Variants in ARHGEF6 observed in about 807,000 individuals in gnomAD.
The protein encoded by ARHGEF6 is rho guanine nucleotide exchange factor 6.
ARHGEF6 carries 9 observed loss-of-function variants against 70.3 expected under a neutral mutation model. That is an observed-to-expected ratio of 0.13 (90% CI 0.08 to 0.22). ARHGEF6 has a LOEUF of 0.22. Among genes scored for constraint, ARHGEF6 ranks in the 10% least tolerant of loss-of-function variants. The pLI, the probability that ARHGEF6 is intolerant of heterozygous loss-of-function variation, is 1.00. For missense variants in ARHGEF6, 470 were observed against 563.0 expected (o/e 0.83, Z 1.67); for synonymous variants, 201 against 207.8 (o/e 0.97, Z 0.28).
At chrX:136,688,078 A>G in intron 10 of ARHGEF6, 87 bp from the exon 11 acceptor site, 2 of 695,757 alleles carry the variant, frequency 2.9e-6, no homozygotes, top group Non-Finnish European at 4.7e-6. Context: ...GAGTATGGCC[A>G]CAAAGATAGC....
At chrX:136,686,040 T>C (rs2076382496) in intron 11 of ARHGEF6, among the ~76,000 whole-genome samples, 1 of 111,824 alleles carries the variant, frequency 8.9e-6, no homozygotes. Context: ...GGAAGGCCTA[T>C]TTTTCATTTT....
intron 2 of ARHGEF6, chrX:136,773,974 T>A (rs1207851892): frequency 8.9e-6 from 1 of 112,017 alleles, no homozygotes; most frequent in African/African-American, 3.2e-5. Context: ...AATTAAGACA[T>A]ACATTTTAGA....
rs199635385 is a variant in ARHGEF6, at chrX:136,723,928, C to CA, written c.732+8173dup. ...TGGGCGACAGAGGGAGGGTCTGTCT[C>CA]AAAAAATATAAAAATAAAAATAAAA... On this transcript the variant is annotated intron_variant, in intron 6 of 21. Transcript: ENST00000250617. Among the ~76,000 whole-genome samples the CA allele has an allele frequency of 9.7e-3, 1,066 of 110,007 alleles. 16 individuals are homozygous for CA. The highest frequency in any genetic ancestry group is 0.033 in the African/African-American group (1,006 of 30,199).
chrX:136,668,527 C>CTTATTA lies in ARHGEF6; in HGVS notation c.2191-359_2191-358insTAATAA, dbSNP rs1261612900. ...CAGCCTGGTATTTCTTCTTCTTCTT[C>CTTATTA]TTCTTCTTATTATTATTATTATTAT... On this transcript the variant is annotated intron_variant, in intron 21 of 21. Coordinates refer to ENST00000250617, the MANE Select transcript of ARHGEF6 (RefSeq NM_004840.3). Among the ~76,000 whole-genome samples the CTTATTA allele has an allele frequency of 1.1e-4, 11 of 100,559 alleles. No individual in the cohort carries two copies. In the East Asian group the frequency reaches 1.8e-3, roughly 17 times the overall value. The allele number at this position is 100,559 out of a possible 115,157, so 87.3% of individuals were successfully genotyped here.
At chrX:136,767,005 A>G (rs1423401031) in intron 2 of ARHGEF6, 1 of 566,710 alleles carries the variant, frequency 1.8e-6, no homozygotes, top group African/African-American at 2.5e-5. Flanking sequence ...CTGGCAGAGA[A>G]CGGACCCCGC....
rs773392792 is a variant in ARHGEF6 at position 136,679,257 on chromosome X, T to C, written c.1830+278A>G. On this transcript the variant is annotated intron_variant, in intron 16 of 21. Transcript: ENST00000250617. ...CATTATTAACAAATCTAAAGGATTA[T>C]CATAATAATCATTAAGGTAAACCAG... Among the ~76,000 whole-genome samples the C allele has an allele frequency of 3.6e-5, 4 of 112,167 alleles. No individual in the cohort carries two copies. In the East Asian group the frequency reaches 1.1e-3, roughly 31 times the overall value.
At chrX:136,728,476 G>A (rs1266422003) in intron 6 of ARHGEF6, among the ~76,000 whole-genome samples, 2 of 109,068 alleles carry the variant, frequency 1.8e-5, no homozygotes, top group African/African-American at 6.7e-5. Context: ...CTTGAAAAAG[G>A]GGAGAATATG....
intron 18 of ARHGEF6, among the ~76,000 whole-genome samples, chrX:136,675,601 C>T (rs978907143): frequency 2.0e-4 from 22 of 110,175 alleles, no homozygotes; most frequent in African/African-American, 9.9e-5. Context: ...CTGCAAGCTC[C>T]GCCTCCCGGG....
intron 6 of ARHGEF6, among the ~76,000 whole-genome samples, chrX:136,728,053 T>C (rs1351918589): frequency 8.9e-6 from 1 of 112,485 alleles, no homozygotes; most frequent in South Asian, 3.6e-4. Context: ...AATTCCTTTT[T>C]CTGACTTTTA....
intron 8 of ARHGEF6, 47 bp downstream of exon 8, chrX:136,708,627 CA>C: frequency 9.2e-7 from 1 of 1,082,425 alleles, no homozygotes; most frequent in Non-Finnish European, 1.3e-6. Context: ...AAACAAAACA[CA>C]AACAGCAATG....
intron 5 of ARHGEF6, among the ~76,000 whole-genome samples, chrX:136,740,796 C>T (rs1220163097): frequency 8.9e-6 from 1 of 111,747 alleles, no homozygotes; most frequent in African/African-American, 3.3e-5. Flanking sequence ...AAAATTACTG[C>T]TCCTTTTAGT....
chrX:136,687,850 G>A, intron 11 of ARHGEF6, 82 bp downstream of exon 11: 1 of 832,700 alleles, frequency 1.2e-6, no homozygotes, highest in Non-Finnish European at 1.8e-6. Flanking sequence ...CTTTGTATAG[G>A]GAAAGAAATG....
At chrX:136,680,709 A>T in intron 15 of ARHGEF6, 22 bp downstream of exon 15, 1 of 1,210,137 alleles carries the variant, frequency 8.3e-7, no homozygotes, top group Non-Finnish European at 1.1e-6. Flanking sequence ...TAATCTCTGG[A>T]CAGAACACAT....
At chrX:136,690,810 C>G in intron 9 of ARHGEF6, 62 bp from the exon 10 acceptor site, 1 of 1,121,562 alleles carries the variant, frequency 8.9e-7, no homozygotes, top group Non-Finnish European at 1.2e-6. Flanking sequence ...AATTATCAAC[C>G]TAAAATTATT....
chrX:136,668,073 A>C lies in ARHGEF6; in HGVS notation c.2287T>G (p.Cys763Gly), dbSNP rs1163093258. 2 of 1,209,699 alleles carry C rather than the reference A, an allele frequency of 1.7e-6. No individual in the cohort carries two copies. Among genetic ancestry groups the C allele is most frequent in the Non-Finnish European group, 2.2e-6 (2 of 895,100 alleles). ...VRRLLKQTDECIRGESSSKTS... is the reference protein window; with the variant it reads ...VRRLLKQTDEGIRGESSSKTS... Reference sequence around the variant, plus strand: ...TTGCTACTGGACTCGCCTCGAATACACTCATCTGTTTGCTTCAAAAGCCTC... The same window carrying C: ...TTGCTACTGGACTCGCCTCGAATACCCTCATCTGTTTGCTTCAAAAGCCTC... The change falls in exon 22 of 22, where the codon TGT becomes GGT. Residue 763 changes from cysteine to glycine, a missense_variant. Physicochemically the swap from Cys to Gly is radical, Grantham distance 159. Around this residue, in one of 3 missense-constraint regions of ARHGEF6, gnomAD observed 88 missense variants for 95.5 expected, o/e 0.92. Transcript: ENST00000250617.
At chrX:136,779,307 A>G in intron 2 of ARHGEF6, 107 bp downstream of exon 2, 1 of 734,160 alleles carries the variant, frequency 1.4e-6, no homozygotes, top group Non-Finnish European at 2.2e-6. Context: ...CCTCTGTTTA[A>G]CTCAGTGGCC....
intron 2 of ARHGEF6, among the ~76,000 whole-genome samples, chrX:136,748,315 A>C (rs1200611341): frequency 1.8e-5 from 2 of 111,986 alleles, no homozygotes; most frequent in African/African-American, 6.5e-5. Context: ...GGCCTGTCTA[A>C]TACTACTCAA....
At chrX:136,739,360 T>C (rs2077019860) in intron 5 of ARHGEF6, among the ~76,000 whole-genome samples, 1 of 112,025 alleles carries the variant, frequency 8.9e-6, no homozygotes, top group Non-Finnish European at 1.9e-5. Flanking sequence ...CCTGTAACAG[T>C]TAGTTCTGCA....
intron 7 of ARHGEF6, among the ~76,000 whole-genome samples, chrX:136,709,530 G>A (rs2076661819): frequency 8.8e-6 from 1 of 113,107 alleles, no homozygotes; most frequent in Admixed American, 9.3e-5. Flanking sequence ...GGAAACCCAG[G>A]CATAGAGAGG....
Sources: allele counts gnomAD v4.1 joint callset (sites outside exome capture counted in the v4.1 genomes callset), GRCh38; gene constraint gnomAD v4.1.1; regional missense constraint gnomAD v4.1.1; transcripts MANE v1.5; gene names NCBI Gene and HGNC (gene_info 2026-07-23, HGNC 2026-07-21).